The following TLL2 variants were observed in gnomAD, a reference collection of about 807,000 sequenced individuals.
TLL2 encodes tolloid-like protein 2.
A neutral mutation model predicts 123.0 loss-of-function variants in TLL2; 106 were observed. The observed-to-expected ratio is 0.86, with a 90% CI of 0.74 to 1.01. The LOEUF (loss-of-function observed/expected upper bound fraction) is 1.01, where lower values mean the gene tolerates loss of function less well. TLL2 is among the 50% of genes least tolerant of loss of function. The pLI, the probability that TLL2 is intolerant of heterozygous loss-of-function variation, is 0.00. For synonymous variants in TLL2, 494 were observed against 516.8 expected, an observed-to-expected ratio of 0.96 and a Z score of 0.60; for missense variants, 1,332 against 1,336.7, an observed-to-expected ratio of 1.00 and a Z score of 0.06.
chr10:96,460,352 T>C (rs931591609), intron 2 of TLL2, among the ~76,000 whole-genome samples: 5 of 152,170 alleles, frequency 3.3e-5, no homozygotes, highest in African/African-American at 1.2e-4. Context: ...TATGTTGAAA[T>C]TGTAACCCTC....
intron 7 of TLL2, among the ~76,000 whole-genome samples, chr10:96,419,274 T>C (rs527509803): frequency 2.0e-5 from 3 of 152,160 alleles, no homozygotes; most frequent in African/African-American, 7.2e-5. Flanking sequence ...CTGCATCGGA[T>C]TGAGAAATTG....
chr10:96,451,156 T>G (rs1449168192), intron 2 of TLL2, among the ~76,000 whole-genome samples: 1 of 152,244 alleles, frequency 6.6e-6, no homozygotes, highest in East Asian at 1.9e-4. Flanking sequence ...CACAGTTTCC[T>G]TTATGGAACA....
At chr10:96,450,853 A>T (rs554183175) in intron 2 of TLL2, among the ~76,000 whole-genome samples, 2 of 151,502 alleles carry the variant, frequency 1.3e-5, no homozygotes, top group African/African-American at 4.9e-5. Flanking sequence ...ACAAAAAAAA[A>T]GTTTGAAAAA....
At chr10:96,440,831 C>A (rs1351772112) in intron 3 of TLL2, among the ~76,000 whole-genome samples, 2 of 152,040 alleles carry the variant, frequency 1.3e-5, no homozygotes, top group Admixed American at 1.3e-4. Context: ...AAGCATTTGC[C>A]GATTAAAAAT....
intron 2 of TLL2, among the ~76,000 whole-genome samples, chr10:96,450,171 A>C (rs1001990990): frequency 1.3e-5 from 2 of 151,744 alleles, no homozygotes; most frequent in Non-Finnish European, 2.9e-5. Context: ...GGATGGATGG[A>C]TGGATGGATG....
At position 96,432,902 on chromosome 10, in the gene TLL2, G is replaced by T; in HGVS notation, c.425C>A (p.Thr142Asn). 1 of 1,614,114 alleles carries T rather than the reference G, an allele frequency of 6.2e-7. No individual in the cohort carries two copies. The highest frequency in any genetic ancestry group is 8.5e-7 in the Non-Finnish European group (1 of 1,180,014). Reference protein sequence around the residue: ...SPGTLHAAAKTFSPRVRRATT... With the variant: ...SPGTLHAAAKNFSPRVRRATT... ...GGCTCTTCGGACCCGGGGAGAGAAG[G>T]TCTTGGCTGCGGCATGCAAGGTCCC... Residue 142 changes from threonine (T) to asparagine (N), a missense_variant, in exon 4 of 21, where the codon ACC becomes AAC. Transcript: ENST00000357947.
chr10:96,449,667 AC>A (rs1846936211), intron 2 of TLL2, among the ~76,000 whole-genome samples: 1 of 151,566 alleles, frequency 6.6e-6, no homozygotes, highest in Non-Finnish European at 1.5e-5. Flanking sequence ...CACTGATGAG[AC>A]CCTTAGTGAT....
rs747550670 is a variant in TLL2 at position 96,471,131 on chromosome 10, G to T, written c.286+9218C>A. 6.6e-5 allele frequency among the ~76,000 whole-genome samples: 10 copies of T among 151,722 alleles called. 1 individual carries two copies. Among genetic ancestry groups the T allele is most frequent in the South Asian group, 6.3e-4 (3 of 4,778 alleles). ...TTCTCCTGCCTCAGCCCCCTGAGTA[G>T]CTGGGATTACAGGTGTTTGCCACCA... On this transcript the variant is annotated intron_variant, in intron 2 of 20. Transcript: ENST00000357947.
intron 20 of TLL2, among the ~76,000 whole-genome samples, chr10:96,369,660 C>T (rs1846059668): frequency 6.7e-6 from 1 of 148,694 alleles, no homozygotes; most frequent in African/African-American, 2.5e-5. Context: ...ACTTGGGAGG[C>T]TGAGGCAGGA....
intron 17 of TLL2, among the ~76,000 whole-genome samples, chr10:96,377,065 G>T (rs980225838): frequency 3.3e-5 from 5 of 152,136 alleles, no homozygotes; most frequent in Non-Finnish European, 7.4e-5. Flanking sequence ...TATCCACATT[G>T]CAGTTATCCT....
intron 7 of TLL2, 80 bp downstream of exon 7, chr10:96,420,876 T>C: frequency 8.0e-7 from 1 of 1,255,794 alleles, no homozygotes; most frequent in Non-Finnish European, 1.2e-6. Context: ...AGACCCACTC[T>C]CCGCAGACCT....
At chr10:96,509,816 A>G (rs551207128) in intron 1 of TLL2, among the ~76,000 whole-genome samples, 23 of 152,306 alleles carry the variant, frequency 1.5e-4, no homozygotes, top group East Asian at 3.9e-4. Flanking sequence ...GCATAGTGGC[A>G]GGCGCCTGTA....
chr10:96,457,331 G>A (rs904261896), intron 2 of TLL2, among the ~76,000 whole-genome samples: 1 of 152,158 alleles, frequency 6.6e-6, no homozygotes, highest in Non-Finnish European at 1.5e-5. Context: ...AGGACTGCCC[G>A]GAACTCACCT....
At chr10:96,386,742 A>G (rs1846237742) in intron 14 of TLL2, among the ~76,000 whole-genome samples, 1 of 152,206 alleles carries the variant, frequency 6.6e-6, no homozygotes, top group African/African-American at 2.4e-5. Context: ...TTCAGTCTCT[A>G]GGGCAGAGTC....
chr10:96,417,024 G>T (rs1846569550), intron 7 of TLL2, among the ~76,000 whole-genome samples: 1 of 152,188 alleles, frequency 6.6e-6, no homozygotes, highest in Non-Finnish European at 1.5e-5. Flanking sequence ...GAGGGGAGAA[G>T]AACTGCAATA....
At chr10:96,433,046 A>C in intron 3 of TLL2, 84 bp from the exon 4 acceptor site, 1 of 1,528,300 alleles carries the variant, frequency 6.5e-7, no homozygotes, top group Non-Finnish European at 8.9e-7. Flanking sequence ...CCACAATTCC[A>C]AAAAGGGGGT....
At chr10:96,378,841 C>T (rs1846160254) in intron 17 of TLL2, 126 bp downstream of exon 17, 3 of 1,311,740 alleles carry the variant, frequency 2.3e-6, no homozygotes, top group Non-Finnish European at 3.2e-6. Flanking sequence ...ACAGCAGTTG[C>T]TGGGCCTCAG....
chr10:96,395,831 A>T lies in TLL2; in HGVS notation c.1530+44T>A. The T allele has an allele frequency of 1.2e-6, 2 of 1,607,220 alleles. 1 individual carries two copies. The highest frequency in any genetic ancestry group is 2.2e-5 in the South Asian group (2 of 89,990). On this transcript the variant is annotated intron_variant, in intron 12 of 20. Transcript: ENST00000357947. ...CTTTACAGAGTGGAGGATGTCTAGC[A>T]AAAGTTGCCGTTTCCTTGGGAAGCC...
intron 13 of TLL2, among the ~76,000 whole-genome samples, chr10:96,394,969 C>T (rs1373111534): frequency 6.6e-6 from 1 of 152,206 alleles, no homozygotes; most frequent in Non-Finnish European, 1.5e-5. Context: ...TTTCCAAGTA[C>T]AGAACTTTCT....
Sources: gnomAD v4.1 joint callset for allele counts (sites outside exome capture counted in the v4.1 genomes callset) on GRCh38, gnomAD v4.1.1 for gene constraint, MANE v1.5 for transcripts, NCBI Gene and HGNC (gene_info 2026-07-23, HGNC 2026-07-21) for gene names.